Variants in IREB2 observed in about 807,000 individuals in gnomAD.
IREB2 encodes the protein iron responsive element binding protein 2, also known as iron-responsive element-binding protein 2.
IREB2 carries 39 observed loss-of-function variants against 118.8 expected under a neutral mutation model. The ratio of observed to expected loss-of-function variants is 0.33; its 90% confidence interval spans 0.25 to 0.43. The LOEUF (loss-of-function observed/expected upper bound fraction) is 0.43. IREB2 is among the 20% of genes least tolerant of loss of function. The pLI is 1.00. For synonymous variants in IREB2, 372 were observed against 392.2 expected (o/e 0.95, Z 0.61); for missense variants, 900 against 1,147.3 (o/e 0.78, Z 3.11).
chr15:78,473,410 C>T (rs1327602000), intron 8 of IREB2, 29 bp downstream of exon 8: 20 of 1,582,332 alleles, frequency 1.3e-5, no homozygotes, highest in Non-Finnish European at 1.6e-5. Context: ...AGCTCTATGA[C>T]TTACTGAACA....
At position 78,498,229 on chromosome 15, in the gene IREB2, G is replaced by C. The variant is rs2051873247; in HGVS notation, c.*86G>C. The C allele has an allele frequency of 1.4e-6, 1 of 720,332 alleles. No homozygotes were observed. 44.6% of individuals were successfully genotyped at this position (720,332 alleles called of 1,614,324 possible). A position where few individuals can be genotyped will look rare whatever the true frequency, so the allele number is the denominator to read the frequency against. On this transcript the variant is annotated 3_prime_UTR_variant, in exon 22 of 22. Coordinates refer to ENST00000258886, the MANE Select transcript of IREB2 (RefSeq NM_004136.4). The stretch of plus-strand genomic sequence containing the variant: ...CAGGAATCCTTACCATGGAGCAGCA[G>C]ATAGTCCCAGTATACTCACTTATCT...
chr15:78,492,296 G>A (rs1219296111), intron 18 of IREB2, among the ~76,000 whole-genome samples: 2 of 151,994 alleles, frequency 1.3e-5, no homozygotes, highest in East Asian at 3.9e-4. Flanking sequence ...CCACTATAGT[G>A]AACCAGTGCT....
intron 20 of IREB2, 63 bp from the exon 21 acceptor site, chr15:78,497,063 T>G (rs2051847840): frequency 2.9e-6 from 4 of 1,367,260 alleles, no homozygotes; most frequent in Non-Finnish European, 4.1e-6. Context: ...TTTGCCCCCT[T>G]TAAATGCTCA....
chr15:78,494,316 C>T, intron 20 of IREB2, 52 bp downstream of exon 20: 2 of 1,560,274 alleles, frequency 1.3e-6, no homozygotes, highest in Non-Finnish European at 1.7e-6. Flanking sequence ...TTTAACTGTT[C>T]CCTTTTGTCA....
intron 2 of IREB2, among the ~76,000 whole-genome samples, chr15:78,461,033 A>G (rs185649656): frequency 6.6e-6 from 1 of 152,280 alleles, no homozygotes; most frequent in East Asian, 1.9e-4. Flanking sequence ...CATATCATGA[A>G]CATTTATTAG....
At chr15:78,442,516 C>T (rs1035308986) in intron 2 of IREB2, among the ~76,000 whole-genome samples, 8 of 152,086 alleles carry the variant, frequency 5.3e-5, no homozygotes, top group African/African-American at 1.9e-4. Context: ...TAATGAGTAA[C>T]GATTAATGAA....
At chr15:78,485,905 T>A (rs2051652339) in intron 13 of IREB2, 65 bp downstream of exon 13, 1 of 1,348,928 alleles carries the variant, frequency 7.4e-7, no homozygotes. Context: ...GCTGCTTGTT[T>A]GTGCCTTTCA....
At chr15:78,447,016 G>A (rs930295639) in intron 2 of IREB2, among the ~76,000 whole-genome samples, 1 of 152,082 alleles carries the variant, frequency 6.6e-6, no homozygotes, top group African/African-American at 2.4e-5. Flanking sequence ...TAAATTGGGG[G>A]GTTTATTGTG....
chr15:78,461,367 G>A (rs928711821), intron 2 of IREB2, among the ~76,000 whole-genome samples: 2 of 151,962 alleles, frequency 1.3e-5, no homozygotes, highest in Admixed American at 1.3e-4. Context: ...CTAGTAAAGA[G>A]CCTTACCCTT....
intron 3 of IREB2, 121 bp from the exon 4 acceptor site, chr15:78,465,130 A>C (rs569723521): frequency 2.7e-6 from 2 of 754,392 alleles, no homozygotes; most frequent in South Asian, 4.3e-5. Context: ...GTACATTATG[A>C]AAAATGAATG....
intron 1 of IREB2, 33 bp from the exon 2 acceptor site, chr15:78,439,762 C>T (rs1217981849): frequency 1.7e-6 from 2 of 1,166,368 alleles, no homozygotes; most frequent in East Asian, 2.4e-5. Context: ...TATTTTGTTG[C>T]TGCATTTAAT....
chr15:78,489,791 G>GT (rs2051719100), intron 16 of IREB2, among the ~76,000 whole-genome samples: 1 of 152,204 alleles, frequency 6.6e-6, no homozygotes, highest in African/African-American at 2.4e-5. Flanking sequence ...GTTTACAGGC[G>GT]TGAGCCACTG....
At chr15:78,485,132 C>T (rs2141513775) in intron 12 of IREB2, among the ~76,000 whole-genome samples, 1 of 152,206 alleles carries the variant, frequency 6.6e-6, no homozygotes, top group Non-Finnish European at 1.5e-5. Context: ...TATAACTTAC[C>T]TGTCAATTAA....
chr15:78,459,068 A>G (rs920907112), intron 2 of IREB2, among the ~76,000 whole-genome samples: 1 of 152,166 alleles, frequency 6.6e-6, no homozygotes, highest in Non-Finnish European at 1.5e-5. Flanking sequence ...CGGGGATTAC[A>G]GGTATGTGCC....
Position 78,438,730 on chromosome 15 carries a change from G to A in IREB2, c.19+374G>A. On this transcript the variant is annotated intron_variant, in intron 1 of 21. Transcript: ENST00000258886. ...CGCCCCCCATTGGCGAGCGATGAAGGCGGGGGCCTGCGTCTCCGTGTTCGG... is the reference window on the plus strand; with the variant it reads ...CGCCCCCCATTGGCGAGCGATGAAGACGGGGGCCTGCGTCTCCGTGTTCGG... The A allele has an allele frequency of 9.1e-6, 3 of 328,324 alleles. 1 individual carries two copies. The South Asian group carries it at 1.1e-4, about 12-fold the overall frequency. 20.3% of individuals were successfully genotyped at this position (328,324 alleles called of 1,614,324 possible). A position where few individuals can be genotyped will look rare whatever the true frequency, so the allele number is the denominator to read the frequency against.
rs2051894325 is a variant in IREB2, at chr15:78,499,148, AT to A, written c.*1009del. The A allele has an allele frequency of 6.6e-6, 1 of 152,124 alleles. No individual in the cohort carries two copies. The highest frequency in any genetic ancestry group is 2.4e-5 in the African/African-American group (1 of 41,414). The allele number at this position is 152,124 out of a possible 1,614,324, so 9.4% of individuals were successfully genotyped here. On this transcript the variant is annotated 3_prime_UTR_variant, in exon 22 of 22. Coordinates refer to ENST00000258886, the MANE Select transcript of IREB2 (RefSeq NM_004136.4). ...TTCTTAATTAAATTGATTTCCTGTCATTTTGAATCATTTATCACCTGCGATG... is the reference window on the plus strand; with the variant it reads ...TTCTTAATTAAATTGATTTCCTGTCATTTGAATCATTTATCACCTGCGATG...
intron 2 of IREB2, among the ~76,000 whole-genome samples, chr15:78,450,564 G>A (rs796858931): frequency 9.8e-5 from 15 of 152,330 alleles, no homozygotes; most frequent in African/African-American, 3.6e-4. Context: ...GTGGGCATGC[G>A]TTGGGAAAAC....
chr15:78,439,108 G>T (rs929175698), intron 1 of IREB2, among the ~76,000 whole-genome samples: 1 of 152,098 alleles, frequency 6.6e-6, no homozygotes, highest in African/African-American at 2.4e-5. Context: ...TAGAATGTTG[G>T]GAGCTGAGGC....
intron 2 of IREB2, 42 bp downstream of exon 2, chr15:78,439,923 A>G: frequency 8.5e-7 from 1 of 1,181,192 alleles, no homozygotes; most frequent in African/African-American, 1.5e-5. Context: ...TTAGTCTCTA[A>G]TAATGAAAAT....
Sources: gnomAD v4.1 joint callset for allele counts (sites outside exome capture counted in the v4.1 genomes callset) on GRCh38, gnomAD v4.1.1 for gene constraint, MANE v1.5 for transcripts, NCBI Gene and HGNC (gene_info 2026-07-23, HGNC 2026-07-21) for gene names.